Variants in SLC12A8 observed in about 807,000 individuals in gnomAD.
SLC12A8 encodes the protein cation-chloride cotransporter 9.
SLC12A8 carries 69 observed loss-of-function variants against 75.6 expected under a neutral mutation model. The observed-to-expected ratio is 0.91, with a 90% CI of 0.75 to 1.11. The LOEUF is 1.11. Among genes scored for constraint, SLC12A8 ranks in the 50% most tolerant of loss-of-function variants. SLC12A8 has a pLI of 0.00. For synonymous variants in SLC12A8, 365 were observed against 372.8 expected, an observed-to-expected ratio of 0.98 and a Z score of 0.24; for missense variants, 877 against 896.7, an observed-to-expected ratio of 0.98 and a Z score of 0.28.
chr3:125,187,811 T>C (rs1002014395), intron 3 of SLC12A8, among the ~76,000 whole-genome samples: 12 of 144,938 alleles, frequency 8.3e-5, no homozygotes, highest in African/African-American at 3.0e-4. Flanking sequence ...CTGCTCATTC[T>C]GTACCTTTGT....
chr3:125,119,996 T>C, intron 7 of SLC12A8: 1 of 430,138 alleles, frequency 2.3e-6, no homozygotes, highest in East Asian at 7.2e-5. Flanking sequence ...CCCAGAGGCC[T>C]GACGGCCTGG....
At chr3:125,130,654 G>T (rs2981513) in intron 6 of SLC12A8, among the ~76,000 whole-genome samples, 11,037 of 152,118 alleles carry the variant, frequency 0.073, 491 homozygotes, top group Admixed American at 0.095. Flanking sequence ...AAAAGCTTGG[G>T]AGTTGGACTA....
chr3:125,208,791 C>CACACACACACAG (rs1368605617), intron 2 of SLC12A8, among the ~76,000 whole-genome samples: 35 of 84,176 alleles, frequency 4.2e-4, no homozygotes, highest in Non-Finnish European at 7.5e-4. Flanking sequence ...CACACACACA[C>CACACACACACAG]AGAGAGAGAG....
chr3:125,104,140 C>G (rs1037832318), intron 10 of SLC12A8, among the ~76,000 whole-genome samples: 8 of 151,840 alleles, frequency 5.3e-5, no homozygotes, highest in African/African-American at 1.9e-4. Flanking sequence ...GGGTCTTGCT[C>G]TGTCGCCCAG....
At chr3:125,105,984 C>T (rs759773503) in intron 10 of SLC12A8, among the ~76,000 whole-genome samples, 7 of 152,052 alleles carry the variant, frequency 4.6e-5, no homozygotes, top group South Asian at 2.1e-4. Flanking sequence ...GAGCTGAGAT[C>T]GCACCAAATC....
intron 5 of SLC12A8, among the ~76,000 whole-genome samples, chr3:125,173,338 C>T (rs1423750643): frequency 6.6e-6 from 1 of 150,844 alleles, no homozygotes; most frequent in African/African-American, 2.4e-5. Flanking sequence ...AAAAGAGAAC[C>T]CAGAAACACA....
At chr3:125,159,406 T>TA (rs1164076805) in intron 5 of SLC12A8, among the ~76,000 whole-genome samples, 2 of 151,858 alleles carry the variant, frequency 1.3e-5, no homozygotes, top group African/African-American at 4.8e-5. Flanking sequence ...AAGAGATTTT[T>TA]AAAAGGATAT....
intron 2 of SLC12A8, among the ~76,000 whole-genome samples, chr3:125,201,702 G>GAAAAAAAAAAAAAAAAAAAAAA: frequency 1.0e-5 from 1 of 95,572 alleles, no homozygotes. Context: ...AGCCATGATT[G>GAAAAAAAAAAAAAAAAAAAAAA]AAAAAAAAAA....
At chr3:125,197,440 C>T (rs548039746) in intron 2 of SLC12A8, among the ~76,000 whole-genome samples, 5 of 152,112 alleles carry the variant, frequency 3.3e-5, no homozygotes, top group Non-Finnish European at 7.4e-5. Flanking sequence ...TACAGGTATG[C>T]ATCACCATGC....
At chr3:125,143,339 C>T (rs974351587) in intron 5 of SLC12A8, among the ~76,000 whole-genome samples, 1 of 152,196 alleles carries the variant, frequency 6.6e-6, no homozygotes, top group Non-Finnish European at 1.5e-5. Context: ...CTGAATCGGG[C>T]TGTATTGCTT....
intron 13 of SLC12A8, among the ~76,000 whole-genome samples, chr3:125,084,873 T>C (rs1324587531): frequency 6.6e-6 from 1 of 152,246 alleles, no homozygotes; most frequent in East Asian, 1.9e-4. Flanking sequence ...AGTCATACCT[T>C]AGACATGGAT....
At chr3:125,187,631 G>A (rs917792020) in intron 3 of SLC12A8, among the ~76,000 whole-genome samples, 22 of 152,120 alleles carry the variant, frequency 1.4e-4, no homozygotes, top group African/African-American at 4.3e-4. Flanking sequence ...GAAAGGAAGC[G>A]TCCTGGCTGC....
chr3:125,117,453 G>T (rs867801514), intron 8 of SLC12A8, among the ~76,000 whole-genome samples: 8 of 137,704 alleles, frequency 5.8e-5, no homozygotes, highest in African/African-American at 2.1e-4. Flanking sequence ...AAAAATAGCT[G>T]GGTGTGGTGG....
intron 5 of SLC12A8, among the ~76,000 whole-genome samples, chr3:125,168,404 A>C (rs2107782327): frequency 6.6e-6 from 1 of 152,320 alleles, no homozygotes; most frequent in African/African-American, 2.4e-5. Context: ...TGGTGCCCAG[A>C]CAGCCAGGTA....
chr3:125,209,418 G>T (rs1935293122), intron 2 of SLC12A8, among the ~76,000 whole-genome samples: 1 of 152,112 alleles, frequency 6.6e-6, no homozygotes, highest in Non-Finnish European at 1.5e-5. Flanking sequence ...CCCACTAATT[G>T]GTAGCTATTA....
At chr3:125,203,534 A>C (rs1935168410) in intron 2 of SLC12A8, among the ~76,000 whole-genome samples, 1 of 152,250 alleles carries the variant, frequency 6.6e-6, no homozygotes, top group South Asian at 2.1e-4. Flanking sequence ...CTGTATATCC[A>C]CATGCAGAAG....
At chr3:125,141,170 GGGGT>G (rs1560065542) in intron 5 of SLC12A8, among the ~76,000 whole-genome samples, 34 of 134,250 alleles carry the variant, frequency 2.5e-4, no homozygotes, top group African/African-American at 9.2e-4. Flanking sequence ...AAAGGGGGGT[GGGGT>G]GGGGTGCGGG....
intron 6 of SLC12A8, among the ~76,000 whole-genome samples, chr3:125,126,555 T>A (rs1971407): frequency 0.083 from 12,684 of 152,282 alleles, 700 homozygotes; most frequent in Middle Eastern, 0.17. Context: ...TCCTTACTTA[T>A]CACCAATTAC....
intron 2 of SLC12A8, among the ~76,000 whole-genome samples, chr3:125,201,214 G>C (rs1935113450): frequency 6.6e-6 from 1 of 152,016 alleles, no homozygotes; most frequent in Non-Finnish European, 1.5e-5. Flanking sequence ...CACCAGCCTG[G>C]GAAACATAGT....
Sources: allele counts gnomAD v4.1 joint callset (sites outside exome capture counted in the v4.1 genomes callset), GRCh38; gene constraint gnomAD v4.1.1; transcripts MANE v1.5; gene names NCBI Gene and HGNC (gene_info 2026-07-23, HGNC 2026-07-21).